GPR107: variants seen among roughly 807,000 people sequenced by gnomAD.
GPR107 encodes G protein-coupled receptor 107, also known as protein GPR107.
GPR107 carries 31 observed loss-of-function variants against 75.5 expected under a neutral mutation model. That is an observed-to-expected ratio of 0.41 (90% CI 0.31 to 0.55). The LOEUF (loss-of-function observed/expected upper bound fraction) is 0.55, where lower values mean the gene tolerates loss of function less well. Among genes scored for constraint, GPR107 ranks in the 20% least tolerant of loss-of-function variants. The pLI is 0.26. For synonymous variants in GPR107, 267 were observed against 251.3 expected (o/e 1.06, Z -0.59); for missense variants, 572 against 665.7 (o/e 0.86, Z 1.55).
chr9:130,094,653 TTTA>T (rs1355363160), intron 9 of GPR107, among the ~76,000 whole-genome samples: 1 of 151,914 alleles, frequency 6.6e-6, no homozygotes, highest in Non-Finnish European at 1.5e-5. Flanking sequence ...GGTGGGTTTT[TTTA>T]TTTTGTTTTG....
Position 130,127,647 on chromosome 9 carries a change from A to C in GPR107, c.1440+81A>C. 6.3e-6 allele frequency: 5 copies of C among 789,228 alleles called. No individual in the cohort carries two copies. The East Asian group carries it at 7.4e-5, about 12-fold the overall frequency. 48.9% of individuals were successfully genotyped at this position (789,228 alleles called of 1,614,324 possible). Reference sequence around the variant, plus strand: ...GAAGTGTAACTTAACAGTTGTTACTAATTTATCTGGGAATGACCACTAAGA... The same window carrying C: ...GAAGTGTAACTTAACAGTTGTTACTCATTTATCTGGGAATGACCACTAAGA... On this transcript the variant is annotated intron_variant, in intron 16 of 17. Transcript: ENST00000347136.
chr9:130,063,470 A>G (rs768157675), intron 1 of GPR107, among the ~76,000 whole-genome samples: 87 of 152,316 alleles, frequency 5.7e-4, no homozygotes, highest in Non-Finnish European at 1.0e-3. Context: ...GATTACAGGC[A>G]TGAGCCACCG....
At chr9:130,132,817 ATT>A (rs1831859959) in intron 17 of GPR107, among the ~76,000 whole-genome samples, 1 of 104,140 alleles carries the variant, frequency 9.6e-6, no homozygotes, top group South Asian at 2.8e-4. Flanking sequence ...ATATATATAT[ATT>A]TTTATATATT....
chr9:130,110,543 A>T, intron 14 of GPR107: 1 of 677,318 alleles, frequency 1.5e-6, no homozygotes, highest in South Asian at 1.6e-5. Flanking sequence ...TTAGAACGGG[A>T]TTGTCATTTT....
intron 9 of GPR107, among the ~76,000 whole-genome samples, chr9:130,096,464 T>C (rs1487976516): frequency 8.2e-6 from 1 of 122,416 alleles, no homozygotes; most frequent in East Asian, 2.5e-4. Flanking sequence ...TATACATTTT[T>C]GGACTTTTTT....
intron 14 of GPR107, among the ~76,000 whole-genome samples, chr9:130,123,595 C>T (rs2132646838): frequency 6.9e-6 from 1 of 144,050 alleles, no homozygotes; most frequent in Admixed American, 7.2e-5. Flanking sequence ...TCTCAAACTC[C>T]TGGACTCAAG....
intron 1 of GPR107, among the ~76,000 whole-genome samples, chr9:130,068,567 T>C (rs1370541412): frequency 3.9e-5 from 6 of 152,150 alleles, no homozygotes; most frequent in Admixed American, 3.9e-4. Flanking sequence ...AAATTCAGTT[T>C]ATAAGAAAAA....
rs1554899793 is a variant in GPR107 at position 130,135,313 on chromosome 9, T to C, written c.*192T>C. The C allele has an allele frequency of 1.4e-5, 7 of 487,756 alleles. No homozygotes were observed. In the Admixed American group the frequency reaches 1.5e-4, roughly 11 times the overall value. 30.2% of individuals were successfully genotyped at this position (487,756 alleles called of 1,614,324 possible). A position where few individuals can be genotyped will look rare whatever the true frequency, so the allele number is the denominator to read the frequency against. On this transcript the variant is annotated 3_prime_UTR_variant, in exon 18 of 18. Coordinates refer to ENST00000347136, the MANE Select transcript of GPR107 (RefSeq NM_020960.5). ...TTTATGGAAACGATCTGTGGCTGTT[T>C]AGAGGCAGCTGGATCCTCTTTCAGG...
chr9:130,102,421 G>A (rs1391376823), intron 12 of GPR107, among the ~76,000 whole-genome samples: 1 of 152,154 alleles, frequency 6.6e-6, no homozygotes, highest in Non-Finnish European at 1.5e-5. Context: ...GGCTGTCGTG[G>A]GGCATAGCCT....
intron 1 of GPR107, among the ~76,000 whole-genome samples, chr9:130,066,829 CA>C (rs1030754985): frequency 1.3e-5 from 2 of 151,944 alleles, no homozygotes; most frequent in East Asian, 1.9e-4. Flanking sequence ...ACTAAAAATA[CA>C]AAAAAATTAG....
At chr9:130,117,181 AG>A (rs1252603174) in intron 14 of GPR107, among the ~76,000 whole-genome samples, 1 of 152,172 alleles carries the variant, frequency 6.6e-6, no homozygotes, top group Non-Finnish European at 1.5e-5. Context: ...TCCTGACCTC[AG>A]GTGATCGGCG....
At chr9:130,072,265 C>T (rs1830228029) in intron 1 of GPR107, among the ~76,000 whole-genome samples, 2 of 150,680 alleles carry the variant, frequency 1.3e-5, no homozygotes, top group Admixed American at 6.6e-5. Context: ...GTCGCCCAGG[C>T]TGGAGTGCAG....
chr9:130,125,102 T>A (rs1831642144), intron 15 of GPR107, 138 bp downstream of exon 15: 1 of 514,452 alleles, frequency 1.9e-6, no homozygotes, highest in African/African-American at 2.1e-5. Context: ...TTTTTTTTTT[T>A]TTTTTTTTTT....
intron 12 of GPR107, among the ~76,000 whole-genome samples, chr9:130,101,887 C>G (rs955078352): frequency 5.3e-5 from 8 of 152,186 alleles, no homozygotes; most frequent in African/African-American, 1.9e-4. Context: ...TTTTGGAGCA[C>G]AAAGTAAATG....
rs1236759023 is a variant in GPR107 at position 130,128,743 on chromosome 9, A to T, written c.1544A>T (p.Asp515Val). Residue 515 changes from aspartate to valine, a missense_variant, in exon 17 of 18, where the codon GAC becomes GTC. Transcript: ENST00000347136. ...CTACAACTTTCTCAGGAAGAAGAAGACTTGGAAATGGAGTCCGTGTAAGAA... is the reference window on the plus strand; with the variant it reads ...CTACAACTTTCTCAGGAAGAAGAAGTCTTGGAAATGGAGTCCGTGTAAGAA... ...PYLQLSQEEE[D>V]LEMESVVTTS... 6.2e-7 allele frequency: 1 copy of T among 1,613,760 alleles called. No individual in the cohort carries two copies. The highest frequency in any genetic ancestry group is 1.7e-5 in the Admixed American group (1 of 60,030).
At chr9:130,104,942 CT>C (rs748453957) in intron 13 of GPR107, among the ~76,000 whole-genome samples, 8 of 152,200 alleles carry the variant, frequency 5.3e-5, no homozygotes, top group Non-Finnish European at 1.0e-4. Context: ...TAACATAAAA[CT>C]AGTGATAGTT....
chr9:130,086,158 C>T (rs575226011), intron 6 of GPR107, among the ~76,000 whole-genome samples: 6 of 152,166 alleles, frequency 3.9e-5, no homozygotes, highest in Non-Finnish European at 7.4e-5. Flanking sequence ...GACAAGCTGT[C>T]TAGCCGAAAG....
intron 1 of GPR107, among the ~76,000 whole-genome samples, chr9:130,067,622 A>C (rs1827357261): frequency 6.6e-6 from 1 of 151,216 alleles, no homozygotes; most frequent in African/African-American, 2.4e-5. Flanking sequence ...AGTGAATTTG[A>C]CCCCATTCCA....
At chr9:130,074,115 GC>G (rs1254226286) in intron 1 of GPR107, among the ~76,000 whole-genome samples, 5 of 152,158 alleles carry the variant, frequency 3.3e-5, no homozygotes, top group African/African-American at 1.2e-4. Flanking sequence ...TTAGGCCTGA[GC>G]AGGGAGGTGA....
Sources: allele counts gnomAD v4.1 joint callset (sites outside exome capture counted in the v4.1 genomes callset), GRCh38; gene constraint gnomAD v4.1.1; transcripts MANE v1.5; gene names NCBI Gene and HGNC (gene_info 2026-07-23, HGNC 2026-07-21).